The following SLC13A5 variants were observed in gnomAD, a reference collection of about 807,000 sequenced individuals.
SLC13A5 encodes the protein solute carrier family 13 member 5.
Under a neutral mutation model 56.5 loss-of-function variants are expected in SLC13A5, and 25 were observed. That is an observed-to-expected ratio of 0.44 (90% CI 0.32 to 0.62). The LOEUF is 0.62. Ranked by LOEUF, SLC13A5 falls within the 20% of genes least tolerant of loss-of-function variation. The pLI is 0.04. For synonymous variants in SLC13A5, 307 were observed against 301.5 expected (o/e 1.02, Z -0.19); for missense variants, 649 against 737.8 (o/e 0.88, Z 1.39).
intron 10 of SLC13A5, chr17:6,689,470 T>C (rs567340144): frequency 6.6e-6 from 1 of 152,396 alleles, no homozygotes; most frequent in South Asian, 2.1e-4. Context: ...AAGCCCGTTT[T>C]CAAAGAGCCC....
chr17:6,700,809 G>GACCAC (rs1269107206), intron 6 of SLC13A5, among the ~76,000 whole-genome samples, 195 bp downstream of exon 6: 1 of 152,172 alleles, frequency 6.6e-6, no homozygotes, highest in East Asian at 1.9e-4. Flanking sequence ...AGGGAAAGGG[G>GACCAC]ACCACGTGTG....
intron 6 of SLC13A5, among the ~76,000 whole-genome samples, chr17:6,700,297 A>C (rs1973675416): frequency 1.3e-5 from 2 of 152,232 alleles, no homozygotes; most frequent in South Asian, 4.1e-4. Context: ...GTGTGCTAGG[A>C]ACAGGAAGGT....
At chr17:6,706,486 T>A (rs557374174) in intron 3 of SLC13A5, among the ~76,000 whole-genome samples, 156 bp downstream of exon 3, 2 of 152,284 alleles carry the variant, frequency 1.3e-5, no homozygotes, top group East Asian at 1.9e-4. Flanking sequence ...ATCTGGTCTC[T>A]CCCACTAAAG....
At chr17:6,710,034 T>G (rs1489925520) in intron 1 of SLC13A5, among the ~76,000 whole-genome samples, 2 of 152,184 alleles carry the variant, frequency 1.3e-5, no homozygotes, top group African/African-American at 4.8e-5. Context: ...CAATGCTGGT[T>G]GACAGCCGCT....
chr17:6,686,373 G>A lies in SLC13A5; in HGVS notation c.1576-35C>T, dbSNP rs755469859. On this transcript the variant is annotated intron_variant, in intron 11 of 11. Transcript: ENST00000433363. ...AGACAGAGTCAGCACCCTGAGGCCT[G>A]CTGGGGACTAGTGCTCTCAGAGAGG... 3.1e-6 allele frequency: 5 copies of A among 1,613,014 alleles called. No individual in the cohort carries two copies. The East Asian group carries it at 8.9e-5, about 29-fold the overall frequency.
intron 6 of SLC13A5, among the ~76,000 whole-genome samples, chr17:6,700,602 T>A (rs2151491635): frequency 6.6e-6 from 1 of 152,284 alleles, no homozygotes; most frequent in East Asian, 1.9e-4. Flanking sequence ...TGCTGGGAGC[T>A]GTGCGGGGTG....
chr17:6,693,464 T>C (rs1028845561), intron 8 of SLC13A5: 14 of 229,114 alleles, frequency 6.1e-5, no homozygotes, highest in African/African-American at 3.2e-4. Context: ...CTTTGTATTC[T>C]ATCACCCCAG....
At chr17:6,690,076 A>AAAC (rs1299595659) in intron 10 of SLC13A5, 1 of 112,954 alleles carries the variant, frequency 8.9e-6, no homozygotes, top group Non-Finnish European at 1.8e-5. Flanking sequence ...AAAAAAAAAA[A>AAAC]AAAAAAAAAA....
intron 10 of SLC13A5, chr17:6,689,174 G>C (rs780656295): frequency 6.6e-6 from 1 of 152,150 alleles, no homozygotes; most frequent in Admixed American, 6.5e-5. Flanking sequence ...TTAATGTTAC[G>C]GTTCCTGTTG....
chr17:6,687,720 G>A lies in SLC13A5; in HGVS notation c.1438-54C>T. 1.3e-6 allele frequency: 2 copies of A among 1,500,648 alleles called. No homozygotes were observed. The highest frequency in any genetic ancestry group is 2.7e-5 in the South Asian group (2 of 73,360). 93.0% of individuals were successfully genotyped at this position (1,500,648 alleles called of 1,614,324 possible). Reference sequence around the variant, plus strand: ...CGTACAGAACACAGAAGCTCTTGGGGACGTGATTCTGAAAAGGATTCTCTG... The same window carrying A: ...CGTACAGAACACAGAAGCTCTTGGGAACGTGATTCTGAAAAGGATTCTCTG... On this transcript the variant is annotated intron_variant, in intron 10 of 11. Coordinates refer to ENST00000433363, the MANE Select transcript of SLC13A5 (RefSeq NM_177550.5). The surrounding 1 kb of genome is among the most constrained non-coding windows in gnomAD (Gnocchi z 5.0).
chr17:6,696,944 G>T (rs1356828947), intron 6 of SLC13A5, among the ~76,000 whole-genome samples: 1 of 152,168 alleles, frequency 6.6e-6, no homozygotes, highest in Non-Finnish European at 1.5e-5. Context: ...TGTGATGGTG[G>T]CTTGGCCTGG....
chr17:6,704,291 T>G, intron 3 of SLC13A5: 1 of 661,416 alleles, frequency 1.5e-6, no homozygotes. Context: ...CCATGACTGA[T>G]GTCTACTCTG....
chr17:6,699,857 C>T (rs11653103), intron 6 of SLC13A5, among the ~76,000 whole-genome samples: 15,905 of 152,250 alleles, frequency 0.1, 915 homozygotes, highest in Non-Finnish European at 0.12. Flanking sequence ...CTGCCCACCT[C>T]GGCCTCCAAA....
chr17:6,703,872 G>A lies in SLC13A5; in HGVS notation c.547+6C>T, dbSNP rs372687638. ...TGGCCTGGCAGTGCCCTGGCCAGGG[G>A]CTCACCTGGCAGCTCCTTGGCCTTG... On this transcript the variant is annotated splice_donor_region_variant and intron_variant, in intron 4 of 11. Transcript: ENST00000433363. 11 of 1,532,836 alleles carry A rather than the reference G, an allele frequency of 7.2e-6. No homozygotes were observed. Among genetic ancestry groups the A allele is most frequent in the Non-Finnish European group, 7.9e-6 (9 of 1,139,934 alleles). The allele number at this position is 1,532,836 out of a possible 1,614,324, so 95.0% of individuals were successfully genotyped here.
At chr17:6,705,798 T>A (rs1470089912) in intron 3 of SLC13A5, among the ~76,000 whole-genome samples, 1 of 152,148 alleles carries the variant, frequency 6.6e-6, no homozygotes, top group Non-Finnish European at 1.5e-5. Context: ...CGTGCCATCA[T>A]TGAGGGGACA....
Position 6,684,843 on chromosome 17 carries a change from C to G in SLC13A5, c.*1364G>C, listed in dbSNP as rs1195821427. On this transcript the variant is annotated 3_prime_UTR_variant, in exon 12 of 12. Transcript: ENST00000433363. ...GGGTTTCCTGAGGCTCTCATACTTT[C>G]TCCTGCCCTGGAAAATGCCATCCAG... 1 of 152,260 alleles carries G rather than the reference C, an allele frequency of 6.6e-6. No individual in the cohort carries two copies. The highest frequency in any genetic ancestry group is 1.5e-5 in the Non-Finnish European group (1 of 68,058). The allele number at this position is 152,260 out of a possible 1,614,324, so 9.4% of individuals were successfully genotyped here. A position where few individuals can be genotyped will look rare whatever the true frequency, so the allele number is the denominator to read the frequency against.
At chr17:6,693,592 C>T (rs1567616498) in intron 8 of SLC13A5, 1 of 159,994 alleles carries the variant, frequency 6.3e-6, no homozygotes, top group Admixed American at 6.1e-5. Context: ...TGTTCTATAA[C>T]AGGAGAATGA....
Position 6,704,142 on chromosome 17 carries a change from C to A in SLC13A5, c.369-86G>T. 4.2e-6 allele frequency: 6 copies of A among 1,445,274 alleles called. No individual in the cohort carries two copies. The South Asian group carries it at 6.1e-5, about 15-fold the overall frequency. The allele number at this position is 1,445,274 out of a possible 1,614,324, so 89.5% of individuals were successfully genotyped here. On this transcript the variant is annotated intron_variant, in intron 3 of 11. Coordinates refer to ENST00000433363, the MANE Select transcript of SLC13A5 (RefSeq NM_177550.5). ...GGAAGCAACTGGGGACTGGGTCCACCCCTGCAGGGATGCACAGGTGTTGAG... is the reference window on the plus strand; with the variant it reads ...GGAAGCAACTGGGGACTGGGTCCACACCTGCAGGGATGCACAGGTGTTGAG...
rs201658269 is a variant in SLC13A5, at chr17:6,690,768, A to G, written c.1437+11T>C. On this transcript the variant is annotated intron_variant, in intron 10 of 11. Transcript: ENST00000433363. Reference sequence around the variant, plus strand: ...AATGGAAGGGCTCCTCCCCACTGTCAGGTTACTTACCATGGAGGCAAAGAT... The same window carrying G: ...AATGGAAGGGCTCCTCCCCACTGTCGGGTTACTTACCATGGAGGCAAAGAT... 8.1e-6 allele frequency: 13 copies of G among 1,614,196 alleles called. No individual in the cohort carries two copies. In the East Asian group the frequency reaches 2.5e-4, roughly 30 times the overall value.
Sources: allele counts gnomAD v4.1 joint callset (sites outside exome capture counted in the v4.1 genomes callset), GRCh38; gene constraint gnomAD v4.1.1; non-coding constraint Gnocchi (gnomAD v3.1); transcripts MANE v1.5; gene names NCBI Gene and HGNC (gene_info 2026-07-23, HGNC 2026-07-21).